Variants in FAM135B observed in about 807,000 individuals in gnomAD.
FAM135B encodes protein FAM135B.
Under a neutral mutation model 127.7 loss-of-function variants are expected in FAM135B, and 43 were observed. That is an observed-to-expected ratio of 0.34 (90% confidence interval 0.26 to 0.43). The LOEUF is 0.43. FAM135B is among the 20% of genes least tolerant of loss of function. The pLI is 1.00. For synonymous variants in FAM135B, 670 were observed against 665.1 expected (o/e 1.01, Z -0.11); for missense variants, 1,558 against 1,725.6 (o/e 0.90, Z 1.72).
chr8:138,177,230 G>A, intron 11 of FAM135B, 117 bp downstream of exon 11: 4 of 870,450 alleles, frequency 4.6e-6, no homozygotes, highest in Non-Finnish European at 7.1e-6. Flanking sequence ...GACAGAAAGT[G>A]CAGAGGTGGG....
At chr8:138,139,446 T>C (rs1411644724) in intron 17 of FAM135B, among the ~76,000 whole-genome samples, 1 of 152,206 alleles carries the variant, frequency 6.6e-6, no homozygotes, top group East Asian at 1.9e-4. Context: ...ACATTTAGGA[T>C]ACAGTAAAGC....
At chr8:138,371,770 A>T (rs1412689257) in intron 1 of FAM135B, among the ~76,000 whole-genome samples, 1 of 152,230 alleles carries the variant, frequency 6.6e-6, no homozygotes, top group Non-Finnish European at 1.5e-5. Context: ...CCATGTGCAC[A>T]CACACCACAG....
chr8:138,191,735 G>T (rs114528921), intron 9 of FAM135B, among the ~76,000 whole-genome samples: 5,484 of 152,252 alleles, frequency 0.036, 295 homozygotes, highest in African/African-American at 0.12. Flanking sequence ...TTTTTGCCAC[G>T]AAGACAAAAG....
chr8:138,198,858 G>C (rs1467803928), intron 7 of FAM135B, among the ~76,000 whole-genome samples: 1 of 152,174 alleles, frequency 6.6e-6, no homozygotes, highest in Non-Finnish European at 1.5e-5. Context: ...AAGGAATCGT[G>C]TGGGAAAAGG....
intron 1 of FAM135B, among the ~76,000 whole-genome samples, chr8:138,382,785 G>A (rs1262409769): frequency 6.6e-6 from 1 of 152,106 alleles, no homozygotes; most frequent in Non-Finnish European, 1.5e-5. Flanking sequence ...AAACAATAAC[G>A]CTTTCATGCA....
chr8:138,141,781 C>T lies in FAM135B; in HGVS notation c.3639-432G>A, dbSNP rs1817173394. 6.6e-6 allele frequency among the ~76,000 whole-genome samples: 1 copy of T among 152,180 alleles called. No homozygotes were observed. The highest frequency in any genetic ancestry group is 2.4e-5 in the African/African-American group (1 of 41,442). On this transcript the variant is annotated intron_variant, in intron 16 of 19. Transcript: ENST00000395297. This position sits in a 1 kb window ranked among gnomAD's most constrained non-coding sequence, Gnocchi z 4.7. ...TCACAATGCCATTCATCCTCTCCTT[C>T]ACCCGCTGTGTATATATTGAACCAC...
chr8:138,228,352 T>C (rs7833341), intron 7 of FAM135B, among the ~76,000 whole-genome samples: 4,474 of 152,158 alleles, frequency 0.029, 192 homozygotes, highest in African/African-American at 0.099. Flanking sequence ...CCCCAGAGGA[T>C]TGTGATGTGC....
At chr8:138,137,614 C>T (rs1816775649) in intron 18 of FAM135B, among the ~76,000 whole-genome samples, 1 of 152,012 alleles carries the variant, frequency 6.6e-6, no homozygotes, top group African/African-American at 2.4e-5. Context: ...CCAAAAAAGC[C>T]TTTTGGGGAT....
chr8:138,192,580 A>G (rs889509316), intron 9 of FAM135B, among the ~76,000 whole-genome samples: 7 of 112,570 alleles, frequency 6.2e-5, no homozygotes, highest in Admixed American at 6.2e-4. Flanking sequence ...AGTTGGTATC[A>G]CCCAGATTGA....
chr8:138,219,051 T>G (rs1199289403), intron 7 of FAM135B, among the ~76,000 whole-genome samples: 1 of 152,212 alleles, frequency 6.6e-6, no homozygotes, highest in African/African-American at 2.4e-5. Context: ...GTGAGAGCTG[T>G]ATCTGTAACT....
At chr8:138,200,494 T>C (rs1817024715) in intron 7 of FAM135B, among the ~76,000 whole-genome samples, 1 of 152,224 alleles carries the variant, frequency 6.6e-6, no homozygotes, top group South Asian at 2.1e-4. Context: ...TATTGTACTT[T>C]ATCTCTTTTG....
At chr8:138,291,918 T>A (rs1424587933) in intron 3 of FAM135B, among the ~76,000 whole-genome samples, 2 of 152,112 alleles carry the variant, frequency 1.3e-5, no homozygotes, top group Non-Finnish European at 2.9e-5. Flanking sequence ...ATGGAAAGGC[T>A]TAGCCAAAGA....
At chr8:138,305,383 A>G (rs568781988) in intron 3 of FAM135B, among the ~76,000 whole-genome samples, 15 of 152,296 alleles carry the variant, frequency 9.8e-5, no homozygotes, top group African/African-American at 1.7e-4. Context: ...CAGCCCCCTA[A>G]GGGAAAAAAA....
chr8:138,264,033 T>A (rs1382454832), intron 4 of FAM135B, among the ~76,000 whole-genome samples: 1 of 152,198 alleles, frequency 6.6e-6, no homozygotes, highest in Non-Finnish European at 1.5e-5. Context: ...ATGCTGGGCC[T>A]CCCTGCTCCA....
intron 3 of FAM135B, among the ~76,000 whole-genome samples, chr8:138,298,781 CTA>C (rs1444449928): frequency 6.6e-6 from 1 of 152,050 alleles, no homozygotes; most frequent in East Asian, 1.9e-4. Context: ...TTTTAAAAAA[CTA>C]TTCCCAAGGA....
chr8:138,433,224 T>TA (rs1262314803), intron 1 of FAM135B, among the ~76,000 whole-genome samples: 1 of 152,114 alleles, frequency 6.6e-6, no homozygotes, highest in Non-Finnish European at 1.5e-5. Flanking sequence ...AATCTTCATT[T>TA]AAAAAGATTA....
At chr8:138,315,241 G>C (rs12680622) in intron 2 of FAM135B, among the ~76,000 whole-genome samples, 12,703 of 152,012 alleles carry the variant, frequency 0.084, 963 homozygotes, top group East Asian at 0.26. Context: ...AATCACCAGG[G>C]AAACACAAAT....
intron 2 of FAM135B, among the ~76,000 whole-genome samples, chr8:138,356,252 G>A (rs1172906660): frequency 7.5e-6 from 1 of 133,956 alleles, no homozygotes; most frequent in African/African-American, 2.8e-5. Flanking sequence ...GCATGGTAGA[G>A]ACAGAAAGGG....
intron 2 of FAM135B, among the ~76,000 whole-genome samples, chr8:138,330,782 C>T (rs529614629): frequency 1.3e-5 from 2 of 152,262 alleles, no homozygotes; most frequent in East Asian, 3.9e-4. Flanking sequence ...TTTGGAAGGT[C>T]CCACATTTCA....
Sources: gnomAD v4.1 joint callset for allele counts (sites outside exome capture counted in the v4.1 genomes callset) on GRCh38, gnomAD v4.1.1 for gene constraint, Gnocchi (gnomAD v3.1) non-coding constraint, MANE v1.5 for transcripts, NCBI Gene and HGNC (gene_info 2026-07-23, HGNC 2026-07-21) for gene names.